Variants in PTPRD observed in about 807,000 individuals in gnomAD.
PTPRD encodes receptor-type tyrosine-protein phosphatase delta.
In PTPRD, 34 loss-of-function variants were observed where a neutral mutation model predicts 214.5. The ratio of observed to expected loss-of-function variants is 0.16; its 90% CI spans 0.12 to 0.21. The LOEUF is 0.21. Ranked by LOEUF, PTPRD falls within the 10% of genes least tolerant of loss-of-function variation. The pLI, the probability that PTPRD is intolerant of heterozygous loss-of-function variation, is 1.00. For missense variants in PTPRD, 2,545 were observed against 2,398.7 expected (o/e 1.06, Z -1.27); for synonymous variants, 1,128 against 845.7 (o/e 1.33, Z -5.79).
intron 11 of PTPRD, among the ~76,000 whole-genome samples, chr9:9,009,490 C>G (rs116402520): frequency 0.011 from 1,615 of 151,502 alleles, 26 homozygotes; most frequent in African/African-American, 0.036. Context: ...TAAATGTGTG[C>G]CATAGGGGTT....
Position 9,651,836 on chromosome 9 carries a change from T to G in PTPRD, c.-286-77055A>C, listed in dbSNP as rs892808138. ...ATTTATTCAAGGTTTGTTTTTTTTT[T>G]TTTTTTTTTTTTTTTTTTAATGGAG... is the stretch of plus-strand genomic sequence containing the variant. On this transcript the variant is annotated intron_variant, in intron 7 of 45. Coordinates refer to ENST00000381196, the MANE Select transcript of PTPRD (RefSeq NM_002839.4). 2.6e-4 allele frequency among the ~76,000 whole-genome samples: 34 copies of G among 131,100 alleles called. 1 individual carries two copies. The South Asian group carries it at 8.1e-3, about 31-fold the overall frequency. The allele number at this position is 131,100 out of a possible 152,430, so 86.0% of individuals were successfully genotyped here.
At chr9:9,906,490 TTTA>T in intron 5 of PTPRD, among the ~76,000 whole-genome samples, 1 of 152,124 alleles carries the variant, frequency 6.6e-6, no homozygotes, top group Admixed American at 6.6e-5. Flanking sequence ...AAGCTTTTCG[TTTA>T]TTTTCTGTTA....
intron 2 of PTPRD, among the ~76,000 whole-genome samples, chr9:10,416,531 A>G (rs2098490803): frequency 6.6e-6 from 1 of 151,938 alleles, no homozygotes; most frequent in Non-Finnish European, 1.5e-5. Flanking sequence ...AAAATAAAGC[A>G]TGTGTTACTA....
intron 5 of PTPRD, among the ~76,000 whole-genome samples, chr9:9,790,239 T>C (rs1422081540): frequency 6.6e-6 from 1 of 152,198 alleles, no homozygotes; most frequent in East Asian, 1.9e-4. Flanking sequence ...GTCTTGGACA[T>C]TGGACAATTT....
At chr9:8,721,450 G>C (rs56306224) in intron 12 of PTPRD, among the ~76,000 whole-genome samples, 427 of 146,334 alleles carry the variant, frequency 2.9e-3, no homozygotes, top group Non-Finnish European at 4.0e-3. Context: ...AAAAAAGAAA[G>C]ATAAAGTGTT....
chr9:8,700,072 TG>T (rs1166009330), intron 12 of PTPRD, among the ~76,000 whole-genome samples: 2 of 152,214 alleles, frequency 1.3e-5, no homozygotes, highest in Non-Finnish European at 2.9e-5. Flanking sequence ...CAGTAATCAA[TG>T]GTTTTTTAAA....
At chr9:9,029,463 G>A (rs324495) in intron 10 of PTPRD, among the ~76,000 whole-genome samples, 94,596 of 151,464 alleles carry the variant, frequency 0.62, 31,702 homozygotes, top group Non-Finnish European at 0.77. Context: ...TTGGGTAGCA[G>A]TGTACACTTT....
chr9:9,646,354 T>G (rs1343116397), intron 7 of PTPRD, among the ~76,000 whole-genome samples: 2 of 150,942 alleles, frequency 1.3e-5, no homozygotes, highest in Non-Finnish European at 2.9e-5. Context: ...GGTGTGTGTG[T>G]GTGTGTGTAT....
In PTPRD at chr9:8,933,054, A is replaced by T. The variant is rs577117735; in HGVS notation, c.-104+85643T>A. On this transcript the variant is annotated intron_variant, in intron 11 of 45. Transcript: ENST00000381196. ...GTTGCGAAGACCATGGGAAAAGCAT[A>T]GTATCTGGACCAGAGTGCACCGTTC... Among the ~76,000 whole-genome samples, 9 of 152,154 alleles carry T rather than the reference A, an allele frequency of 5.9e-5. No individual in the cohort carries two copies. The South Asian group carries it at 1.2e-3, about 21-fold the overall frequency.
chr9:9,393,093 A>C (rs2066464824), intron 9 of PTPRD, among the ~76,000 whole-genome samples: 1 of 152,034 alleles, frequency 6.6e-6, no homozygotes, highest in African/African-American at 2.4e-5. Context: ...TTACCCAATA[A>C]ATTGTTATTC....
At chr9:10,291,579 C>G (rs978564691) in intron 3 of PTPRD, among the ~76,000 whole-genome samples, 17 of 151,970 alleles carry the variant, frequency 1.1e-4, no homozygotes, top group Non-Finnish European at 2.4e-4. Context: ...AGATGCTACA[C>G]TGCTGGCTTT....
Position 9,738,439 on chromosome 9 carries a change from C to CTT in PTPRD, c.-325-3870_-325-3869dup, listed in dbSNP as rs71319292. ...TGTATTAAAATTCTTCACTCACTCA[C>CTT]TTTTTTTTTTTTTTTTTTTTTTGAG... is the stretch of plus-strand genomic sequence containing the variant. On this transcript the variant is annotated intron_variant, in intron 6 of 45. Transcript: ENST00000381196. Among the ~76,000 whole-genome samples the CTT allele has an allele frequency of 3.6e-3, 274 of 76,476 alleles. 35 individuals are homozygous for CTT. Among genetic ancestry groups the CTT allele is most frequent in the African/African-American group, 0.011 (173 of 15,686 alleles). The allele number at this position is 76,476 out of a possible 152,430, so 50.2% of individuals were successfully genotyped here.
chr9:8,727,003 G>A (rs2098588578), intron 12 of PTPRD, among the ~76,000 whole-genome samples: 1 of 151,670 alleles, frequency 6.6e-6, no homozygotes, highest in South Asian at 2.1e-4. Context: ...AAAAGAAGTA[G>A]ATCAGGTACA....
At chr9:8,565,979 T>A (rs1173833848) in intron 14 of PTPRD, among the ~76,000 whole-genome samples, 1 of 152,150 alleles carries the variant, frequency 6.6e-6, no homozygotes, top group East Asian at 1.9e-4. Context: ...TGAAGTATTA[T>A]AGATCAAATA....
At chr9:9,952,795 G>C (rs1187045848) in intron 4 of PTPRD, among the ~76,000 whole-genome samples, 1 of 152,148 alleles carries the variant, frequency 6.6e-6, no homozygotes. Context: ...TCCAGTTAGA[G>C]TGAGGGCTAT....
At chr9:10,392,196 T>C (rs985188526) in intron 2 of PTPRD, among the ~76,000 whole-genome samples, 2 of 151,924 alleles carry the variant, frequency 1.3e-5, no homozygotes, top group Non-Finnish European at 2.9e-5. Context: ...GCATTTTCTA[T>C]CGTATAGCAA....
At chr9:10,285,903 C>T (rs540454426) in intron 3 of PTPRD, among the ~76,000 whole-genome samples, 21 of 152,022 alleles carry the variant, frequency 1.4e-4, no homozygotes, top group African/African-American at 5.1e-4. Flanking sequence ...CTACTGTGCC[C>T]GGCCGGGGTC....
chr9:10,147,910 C>G (rs2099034772), intron 3 of PTPRD, among the ~76,000 whole-genome samples: 1 of 151,910 alleles, frequency 6.6e-6, no homozygotes. Context: ...AACATAAAAG[C>G]TATATTTGTT....
chr9:8,991,994 G>T (rs2099370934), intron 11 of PTPRD, among the ~76,000 whole-genome samples: 1 of 152,088 alleles, frequency 6.6e-6, no homozygotes, highest in African/African-American at 2.4e-5. Context: ...AATGAAGAAA[G>T]AATGTTCTGG....
Sources: gnomAD v4.1 joint callset for allele counts (sites outside exome capture counted in the v4.1 genomes callset) on GRCh38, gnomAD v4.1.1 for gene constraint, MANE v1.5 for transcripts, NCBI Gene and HGNC (gene_info 2026-07-23, HGNC 2026-07-21) for gene names.